The following ZNF117 variants were observed in gnomAD, a reference collection of about 807,000 sequenced individuals.
ZNF117 encodes Krueppel-related zinc finger protein.
In ZNF117, 37 loss-of-function variants were observed where a neutral mutation model predicts 41.2. The ratio of observed to expected loss-of-function variants is 0.90; its 90% CI spans 0.69 to 1.18. The LOEUF (loss-of-function observed/expected upper bound fraction) is 1.18, where lower values mean the gene tolerates loss of function less well. ZNF117 is among the 50% of genes most tolerant of loss of function. The pLI is 0.00. For synonymous variants in ZNF117, 186 were observed against 186.6 expected, an observed-to-expected ratio of 1.00 and a Z score of 0.02; for missense variants, 546 against 557.5, an observed-to-expected ratio of 0.98 and a Z score of 0.21.
chr7:64,978,616 T>G, exon 3 of ZNF117: 2 of 1,612,360 alleles, frequency 1.2e-6, no homozygotes, highest in South Asian at 2.2e-5. Context: ...TCAGTAAGAT[T>G]TGAAAATTGT....
In ZNF117 at chr7:64,978,538, G is replaced by C. The variant is rs538155131; in HGVS notation, c.1033C>G (p.Leu345Val). The stretch of plus-strand genomic sequence containing the variant: ...ACCTTATGTCTAGTAAGGTTTGAGA[G>C]TTGGTTAAAAGCTTTGCCACATTCC... The change falls in exon 3 of 3, where the codon CTC (leucine) becomes GTC (valine). Residue 345 changes from leucine to valine, a missense_variant. Transcript: ENST00000620222. The C allele has an allele frequency of 1.9e-5, 30 of 1,599,676 alleles. No individual in the cohort carries two copies. The East Asian group carries it at 5.9e-4, about 32-fold the overall frequency.
At chr7:64,983,550 A>ACACAG (rs1338219885), upstream of ZNF117, among the ~76,000 whole-genome samples, 2 of 152,238 alleles carry the variant, frequency 1.3e-5, no homozygotes, top group Non-Finnish European at 2.9e-5. Flanking sequence ...GGCAGAGTGG[A>ACACAG]CACAGCTCTC....
intron 1 of ZNF117, among the ~76,000 whole-genome samples, chr7:64,989,034 G>A (rs1471240302): frequency 2.0e-5 from 3 of 151,898 alleles, no homozygotes; most frequent in Non-Finnish European, 2.9e-5. Context: ...GAAATTTACA[G>A]ATCTAATGTA....
exon 3 of ZNF117, chr7:64,977,292 T>G: frequency 2.4e-6 from 1 of 416,766 alleles, no homozygotes; most frequent in South Asian, 1.9e-5. Flanking sequence ...GTTAAAAACT[T>G]TGCCACATTC....
exon 3 of ZNF117, chr7:64,979,119 G>A: frequency 6.2e-7 from 1 of 1,611,972 alleles, no homozygotes; most frequent in Non-Finnish European, 8.5e-7. Context: ...TTTATTAAGG[G>A]TTGAGGACCA....
exon 3 of ZNF117, chr7:64,977,204 G>A: frequency 6.9e-6 from 3 of 433,184 alleles, no homozygotes; most frequent in Non-Finnish European, 9.3e-6. Flanking sequence ...ACAGGTTAAA[G>A]GCCTTGTCAC....
chr7:64,989,162 C>CACAT (rs766188801), intron 1 of ZNF117, among the ~76,000 whole-genome samples: 72 of 147,002 alleles, frequency 4.9e-4, no homozygotes, highest in Non-Finnish European at 7.8e-4. Flanking sequence ...CACACACACA[C>CACAT]ATATATACAC....
At chr7:64,990,288 T>C (rs904793864) in exon 1 of ZNF117, 2 of 152,292 alleles carry the variant, frequency 1.3e-5, no homozygotes, top group Non-Finnish European at 2.9e-5. Flanking sequence ...CAATGACAGA[T>C]GCGGGCTAGG....
Position 64,981,380 on chromosome 7 carries a change from CACTT to C in ZNF117, c.34+3_34+6del, listed in dbSNP as rs1786029329. 4 of 1,613,076 alleles carry C rather than the reference CACTT, an allele frequency of 2.5e-6. No individual in the cohort carries two copies. The highest frequency in any genetic ancestry group is 3.4e-6 in the Non-Finnish European group (4 of 1,179,218). On this transcript the variant is annotated splice_donor_5th_base_variant and intron_variant, in intron 2 of 2. Coordinates refer to ENST00000620222, the Ensembl canonical transcript of ZNF117. ...TCTGTGCCATCTGTGTATTCACTCTCACTTACCTAAATGTTTAGCTACCATCTCA... is the reference window on the plus strand; with the variant it reads ...TCTGTGCCATCTGTGTATTCACTCTCACCTAAATGTTTAGCTACCATCTCA...
chr7:64,986,956 C>T (rs1786149517), upstream of ZNF117, among the ~76,000 whole-genome samples: 1 of 152,082 alleles, frequency 6.6e-6, no homozygotes, highest in Admixed American at 6.6e-5. Flanking sequence ...TCATAATAGA[C>T]ATCTACAAAA....
intron 1 of ZNF117, among the ~76,000 whole-genome samples, chr7:64,981,720 G>A (rs1786037238): frequency 4.0e-5 from 6 of 151,886 alleles, no homozygotes; most frequent in Admixed American, 1.3e-4. Flanking sequence ...TTTAAGGTGT[G>A]GGCAACAATA....
intron 2 of ZNF117, 48 bp from the exon 4 acceptor site, chr7:64,979,584 G>T: frequency 7.4e-7 from 1 of 1,352,840 alleles, no homozygotes. Flanking sequence ...CGACTCAGAT[G>T]AATATACTTT....
upstream of ZNF117, among the ~76,000 whole-genome samples, chr7:64,984,535 A>T (rs1447735544): frequency 6.6e-6 from 1 of 152,208 alleles, no homozygotes; most frequent in Non-Finnish European, 1.5e-5. Flanking sequence ...CCGTAATAGC[A>T]CCATTCCAAT....
rs549109143 is a variant in ZNF117 at position 64,981,506 on chromosome 7, A to G, written c.-62-24T>C. The G allele has an allele frequency of 2.5e-5, 38 of 1,534,872 alleles. No individual in the cohort carries two copies. The African/African-American group carries it at 3.8e-4, about 15-fold the overall frequency. On this transcript the variant is annotated intron_variant, in intron 1 of 2. Coordinates refer to ENST00000620222, the Ensembl canonical transcript of ZNF117. ...ACCTGTTTTATTGAAAATAAATAACATAAATCTTGCACATATTCTCCAATT... is the reference window on the plus strand; with the variant it reads ...ACCTGTTTTATTGAAAATAAATAACGTAAATCTTGCACATATTCTCCAATT...
At chr7:64,975,573 T>C (rs1337182029) in exon 3 of ZNF117, 2 of 43,412 alleles carry the variant, frequency 4.6e-5, no homozygotes, top group African/African-American at 1.0e-4. Context: ...ATCACATGCT[T>C]TCACATGTGA....
chr7:64,978,331 C>T, exon 3 of ZNF117: 1 of 1,613,482 alleles, frequency 6.2e-7, no homozygotes, highest in Non-Finnish European at 8.5e-7. Flanking sequence ...TAGAGTTTCT[C>T]TCCAGTATGA....
exon 3 of ZNF117, chr7:64,977,997 C>A: frequency 1.5e-6 from 2 of 1,292,362 alleles, no homozygotes; most frequent in East Asian, 2.4e-5. Flanking sequence ...TAACTTCTCT[C>A]CAGTATGAAT....
upstream of ZNF117, among the ~76,000 whole-genome samples, chr7:64,984,468 G>A (rs1029938176): frequency 1.3e-5 from 2 of 152,142 alleles, no homozygotes; most frequent in African/African-American, 4.8e-5. Context: ...TTGCATCATG[G>A]TGAACTGTAG....
downstream of ZNF117, chr7:64,972,495 T>A (rs1293805411): frequency 1.3e-5 from 2 of 152,056 alleles, no homozygotes; most frequent in African/African-American, 4.8e-5. Flanking sequence ...TTCAATCACA[T>A]GAATTAACCT....
Sources: gnomAD v4.1 joint callset for allele counts (sites outside exome capture counted in the v4.1 genomes callset) on GRCh38, gnomAD v4.1.1 for gene constraint, MANE v1.5 for transcripts, NCBI Gene and HGNC (gene_info 2026-07-23, HGNC 2026-07-21) for gene names.